The following FABP12 variants were observed in gnomAD, a reference collection of about 807,000 sequenced individuals.
The protein encoded by FABP12 is fatty acid binding protein 12, also known as fatty acid-binding protein 12.
FABP12 carries 19 observed loss-of-function variants against 13.7 expected under a neutral mutation model. That is an observed-to-expected ratio of 1.39 (90% CI 0.97 to 2.04). FABP12 has a LOEUF of 2.04. Among genes scored for constraint, FABP12 ranks in the 30% most tolerant of loss-of-function variants. FABP12 has a pLI of 0.00. For missense variants in FABP12, 182 were observed against 164.2 expected (o/e 1.11, Z -0.59); for synonymous variants, 61 against 57.0 (o/e 1.07, Z -0.32).
In FABP12 at chr8:81,574,132, T is replaced by C. The variant is rs538209301; in HGVS notation, c.-185+15921A>G. On this transcript the variant is annotated intron_variant, in intron 1 of 5. Coordinates refer to the FABP12 transcript ENST00000692030. The stretch of plus-strand genomic sequence containing the variant: ...ATTACATTGAGGTATGTCCCTTCTA[T>C]GCCGATTTTGCTGACAGTTTTAATC... 3.0e-4 allele frequency among the ~76,000 whole-genome samples: 45 copies of C among 152,328 alleles called. No individual in the cohort carries two copies. The South Asian group carries it at 9.3e-3, about 32-fold the overall frequency.
At chr8:81,547,417 C>G (rs1003083076) in intron 1 of FABP12, among the ~76,000 whole-genome samples, 4 of 152,170 alleles carry the variant, frequency 2.6e-5, no homozygotes, top group Admixed American at 6.5e-5. Flanking sequence ...GGTTTGGGAC[C>G]AAATGAGTTC....
intron 1 of FABP12, among the ~76,000 whole-genome samples, chr8:81,565,180 A>G (rs939630454): frequency 1.3e-5 from 2 of 152,086 alleles, no homozygotes; most frequent in Admixed American, 1.3e-4. Flanking sequence ...ACACCCAGAT[A>G]TATAGGGCAA....
chr8:81,531,204 A>G, intron 2 of FABP12, 39 bp downstream of exon 2: 1 of 1,458,860 alleles, frequency 6.9e-7, no homozygotes. Flanking sequence ...CAAAATGCCC[A>G]TTTTTACTGG....
At chr8:81,582,638 C>A (rs1476584298) in intron 1 of FABP12, among the ~76,000 whole-genome samples, 2 of 151,990 alleles carry the variant, frequency 1.3e-5, no homozygotes, top group Non-Finnish European at 1.5e-5. Context: ...ATAAAGATAT[C>A]ATTTCAGCAA....
chr8:81,571,116 C>T (rs1809924867), intron 1 of FABP12, among the ~76,000 whole-genome samples: 1 of 152,194 alleles, frequency 6.6e-6, no homozygotes, highest in African/African-American at 2.4e-5. Flanking sequence ...GCCAAAGTGG[C>T]AGAGCCCCAG....
At chr8:81,551,402 G>A (rs925696999) in intron 1 of FABP12, among the ~76,000 whole-genome samples, 9 of 152,090 alleles carry the variant, frequency 5.9e-5, no homozygotes, top group Admixed American at 2.6e-4. Context: ...TTTTGACTCT[G>A]GGAAGAGAGG....
At chr8:81,562,406 G>A (rs1015519264) in intron 1 of FABP12, among the ~76,000 whole-genome samples, 2 of 152,118 alleles carry the variant, frequency 1.3e-5, no homozygotes, top group Non-Finnish European at 2.9e-5. Flanking sequence ...AAAAGTAAAG[G>A]GACTTCGTCT....
At chr8:81,551,790 G>C (rs955812482) in intron 1 of FABP12, among the ~76,000 whole-genome samples, 1 of 152,010 alleles carries the variant, frequency 6.6e-6, no homozygotes, top group Non-Finnish European at 1.5e-5. Context: ...GTGTCATGCT[G>C]GACCCCTAGT....
rs181846072 is a variant in FABP12 at position 81,581,299 on chromosome 8, T to G, written c.-185+8754A>C. 3.4e-3 allele frequency among the ~76,000 whole-genome samples: 517 copies of G among 152,316 alleles called. 1 individual carries two copies. The highest frequency in any genetic ancestry group is 5.4e-3 in the Non-Finnish European group (369 of 68,024). ...CTTTGATTGTGATCATAAGTGTCTC[T>G]TTCCTAATATTTTTACCTGTGGAAA... On this transcript the variant is annotated intron_variant, in intron 1 of 5. Transcript: ENST00000692030.
At chr8:81,585,613 G>A (rs1810228576) in intron 1 of FABP12, among the ~76,000 whole-genome samples, 1 of 152,092 alleles carries the variant, frequency 6.6e-6, no homozygotes, top group African/African-American at 2.4e-5. Context: ...CTATTTCTGT[G>A]AGAATATCAT....
intron 1 of FABP12, among the ~76,000 whole-genome samples, chr8:81,541,695 T>C (rs997583498): frequency 2.0e-5 from 3 of 152,106 alleles, no homozygotes; most frequent in African/African-American, 7.2e-5. Flanking sequence ...TCAACCTGCC[T>C]GGTATTTTAA....
At chr8:81,583,240 A>G (rs577101853) in intron 1 of FABP12, among the ~76,000 whole-genome samples, 3 of 152,258 alleles carry the variant, frequency 2.0e-5, no homozygotes, top group African/African-American at 7.2e-5. Flanking sequence ...ATAAGCACCT[A>G]TATCAAAAAA....
upstream of FABP12, among the ~76,000 whole-genome samples, chr8:81,538,448 G>A (rs1283100416): frequency 1.3e-5 from 2 of 152,234 alleles, no homozygotes; most frequent in Non-Finnish European, 2.9e-5. Context: ...ATCTCAGGTT[G>A]AGACTGTATT....
chr8:81,531,902 CA>C (rs2129953793), intron 1 of FABP12, among the ~76,000 whole-genome samples: 1 of 151,638 alleles, frequency 6.6e-6, no homozygotes, highest in Non-Finnish European at 1.5e-5. Context: ...GAGAATGGGA[CA>C]GAGAAAAAAG....
intron 1 of FABP12, among the ~76,000 whole-genome samples, chr8:81,574,584 AT>A (rs1369171285): frequency 6.6e-6 from 1 of 151,684 alleles, no homozygotes; most frequent in East Asian, 1.9e-4. Flanking sequence ...CTGGTCCTGG[AT>A]TTTTTTGTTG....
chr8:81,551,793 C>A (rs569717709), intron 1 of FABP12, among the ~76,000 whole-genome samples: 1 of 151,994 alleles, frequency 6.6e-6, no homozygotes, highest in Non-Finnish European at 1.5e-5. Flanking sequence ...TCATGCTGGA[C>A]CCCTAGTGAC....
chr8:81,548,298 T>G (rs1339638563), intron 1 of FABP12, among the ~76,000 whole-genome samples: 1 of 152,204 alleles, frequency 6.6e-6, no homozygotes, highest in Non-Finnish European at 1.5e-5. Flanking sequence ...GTATGCTGTA[T>G]GCTGCATATG....
chr8:81,545,764 T>G (rs1809425000), intron 1 of FABP12, among the ~76,000 whole-genome samples: 1 of 152,224 alleles, frequency 6.6e-6, no homozygotes, highest in Non-Finnish European at 1.5e-5. Flanking sequence ...TTTTTTGGAC[T>G]TAAAGGACTA....
At chr8:81,571,745 T>TA (rs1160011447) in intron 1 of FABP12, among the ~76,000 whole-genome samples, 1 of 152,232 alleles carries the variant, frequency 6.6e-6, no homozygotes, top group Admixed American at 6.5e-5. Flanking sequence ...TGGGGTCATT[T>TA]AAAGCTGCTG....
Sources: allele counts gnomAD v4.1 joint callset (sites outside exome capture counted in the v4.1 genomes callset), GRCh38; gene constraint gnomAD v4.1.1; transcripts MANE v1.5; gene names NCBI Gene and HGNC (gene_info 2026-07-23, HGNC 2026-07-21).